CABIN1: variants seen among roughly 807,000 people sequenced by gnomAD.
CABIN1 encodes the protein calcineurin-binding protein cabin-1.
CABIN1 carries 133 observed loss-of-function variants against 227.7 expected under a neutral mutation model. The ratio of observed to expected loss-of-function variants is 0.58; its 90% CI spans 0.51 to 0.67. CABIN1 has a LOEUF of 0.67. Ranked by LOEUF, CABIN1 falls within the 30% of genes least tolerant of loss-of-function variation. CABIN1 has a pLI of 0.00. For synonymous variants in CABIN1, 1,086 were observed against 1,155.1 expected (o/e 0.94, Z 1.21); for missense variants, 2,408 against 2,852.5 (o/e 0.84, Z 3.55).
chr22:24,164,409 C>T lies in CABIN1; in HGVS notation c.4756C>T (p.Arg1586Trp). Residue 1586 changes from arginine to tryptophan, a missense_variant, in exon 30 of 37, where the codon CGG (arginine) becomes TGG (tryptophan). Around this residue, in one of 3 missense-constraint regions of CABIN1, gnomAD observed 649 missense variants for 910.3 expected, o/e 0.71. Coordinates refer to ENST00000263119, the MANE Select transcript of CABIN1 (RefSeq NM_012295.4). ...GCCATCCATCCCACAGGGCATCTGG[C>T]GGATCCCCGTGGACGAGATTGACCG... Reference protein sequence around the residue: ...NKTNFFNGIWRIPVDEIDRPG... With the variant: ...NKTNFFNGIWWIPVDEIDRPG... 6.2e-7 allele frequency: 1 copy of T among 1,603,398 alleles called. No homozygotes were observed. Among genetic ancestry groups the T allele is most frequent in the Non-Finnish European group, 8.5e-7 (1 of 1,179,950 alleles).
In CABIN1 at chr22:24,054,923, C is replaced by T. The variant is rs200646141; in HGVS notation, c.857C>T (p.Thr286Ile). Residue 286 changes from threonine to isoleucine, a missense_variant, in exon 9 of 37, where the codon ACC becomes ATC. Physicochemically the swap from Thr to Ile is moderately conservative, Grantham distance 89. Transcript: ENST00000263119. ...SLLAMYNHLTTCEPPRPSLGK... is the reference protein window; with the variant it reads ...SLLAMYNHLTICEPPRPSLGK... Reference sequence around the variant, plus strand: ...CTGGCCATGTACAATCATCTCACCACCTGTGAGCCCCCACGTCCCAGCCTT... The same window carrying T: ...CTGGCCATGTACAATCATCTCACCATCTGTGAGCCCCCACGTCCCAGCCTT... The T allele has an allele frequency of 1.5e-5, 25 of 1,614,086 alleles. No homozygotes were observed. The highest frequency in any genetic ancestry group is 1.9e-5 in the Non-Finnish European group (23 of 1,180,028).
At chr22:24,157,687 TTG>T (rs1197257763) in intron 29 of CABIN1, among the ~76,000 whole-genome samples, 5 of 152,166 alleles carry the variant, frequency 3.3e-5, no homozygotes, top group Non-Finnish European at 5.9e-5. Flanking sequence ...CTTTGGTGAC[TTG>T]TGTGGGTTTG....
At chr22:24,050,601 T>G (rs1044442065) in intron 7 of CABIN1, among the ~76,000 whole-genome samples, 2 of 152,252 alleles carry the variant, frequency 1.3e-5, no homozygotes, top group African/African-American at 4.8e-5. Context: ...CTGCCCAGTT[T>G]TGAATTGTCA....
intron 26 of CABIN1, among the ~76,000 whole-genome samples, chr22:24,110,447 C>T (rs949002520): frequency 1.3e-5 from 2 of 152,104 alleles, no homozygotes; most frequent in African/African-American, 2.4e-5. Flanking sequence ...TTAGAAAAAT[C>T]GAACATAAAA....
At chr22:24,076,355 G>A in intron 19 of CABIN1, 71 bp downstream of exon 19, 1 of 1,274,056 alleles carries the variant, frequency 7.8e-7, no homozygotes, top group Non-Finnish European at 1.1e-6. Context: ...GAATGGGAAG[G>A]GGACAGATTC....
chr22:24,083,140 A>G, intron 19 of CABIN1, 88 bp from the exon 20 acceptor site: 1 of 1,338,126 alleles, frequency 7.5e-7, no homozygotes, highest in South Asian at 1.2e-5. Context: ...AAGAGTTGAT[A>G]GAGTGGTGGT....
At chr22:24,176,953 G>A (rs531437672) in intron 35 of CABIN1, among the ~76,000 whole-genome samples, 20 of 152,322 alleles carry the variant, frequency 1.3e-4, no homozygotes, top group African/African-American at 4.3e-4. Context: ...CAGGCCAGCC[G>A]GGTCCTCCCA....
chr22:24,089,558 C>T (rs896851276), intron 23 of CABIN1, among the ~76,000 whole-genome samples: 3 of 152,144 alleles, frequency 2.0e-5, no homozygotes, highest in African/African-American at 7.2e-5. Context: ...TCATAGTTGC[C>T]GAGGGTGAAA....
chr22:24,063,590 G>C (rs1434667399), intron 14 of CABIN1, among the ~76,000 whole-genome samples: 1 of 152,200 alleles, frequency 6.6e-6, no homozygotes, highest in African/African-American at 2.4e-5. Context: ...TGGAAGGCCA[G>C]GATGGATTGG....
At chr22:24,049,874 A>G (rs2038190578) in intron 7 of CABIN1, among the ~76,000 whole-genome samples, 1 of 151,988 alleles carries the variant, frequency 6.6e-6, no homozygotes, top group African/African-American at 2.4e-5. Flanking sequence ...CTCCTTTGCC[A>G]GGTGTCTTCC....
chr22:24,168,680 G>T lies in CABIN1; in HGVS notation c.5757+159G>T, dbSNP rs5760233. ...CAGGGGGCAGCTGAGCCTCCAGCAC[G>T]TGGCCATAGTGGGCAGGAACTTGAC... On this transcript the variant is annotated intron_variant, in intron 33 of 36. Transcript: ENST00000263119. 47,697 of 722,316 alleles carry T rather than the reference G, an allele frequency of 0.066. 1,931 individuals are homozygous for T. The highest frequency in any genetic ancestry group is 0.11 in the South Asian group (7,452 of 67,212). 44.7% of individuals were successfully genotyped at this position (722,316 alleles called of 1,614,324 possible).
At chr22:24,087,914 A>G (rs2041276748) in intron 23 of CABIN1, among the ~76,000 whole-genome samples, 1 of 135,926 alleles carries the variant, frequency 7.4e-6, no homozygotes, top group African/African-American at 3.3e-5. Context: ...CACCCAGTCT[A>G]GTGTAGACAA....
intron 11 of CABIN1, among the ~76,000 whole-genome samples, chr22:24,059,638 TGTA>T (rs2039047102): frequency 1.3e-5 from 2 of 152,210 alleles, no homozygotes; most frequent in African/African-American, 4.8e-5. Flanking sequence ...TGTGTATCAG[TGTA>T]TAACTGTTGA....
At chr22:24,087,784 C>T in intron 23 of CABIN1, 71 bp downstream of exon 23, 3 of 1,582,452 alleles carry the variant, frequency 1.9e-6, no homozygotes, top group Non-Finnish European at 2.6e-6. Flanking sequence ...GTCAACGAAG[C>T]TCTGTCTCAT....
chr22:24,032,363 A>C (rs1264949851), intron 1 of CABIN1, among the ~76,000 whole-genome samples: 2 of 152,222 alleles, frequency 1.3e-5, no homozygotes, highest in African/African-American at 4.8e-5. Flanking sequence ...GTATGTATAC[A>C]CCACATTTTG....
rs771942318 is a variant in CABIN1, at chr22:24,064,196, G to C, written c.2037+9G>C. Reference sequence around the variant, plus strand: ...TGGTTTCCCTGGAGGAGGTAAGTGAGAATTTTCGTTTGTTTGTTTGTTTCC... The same window carrying C: ...TGGTTTCCCTGGAGGAGGTAAGTGACAATTTTCGTTTGTTTGTTTGTTTCC... On this transcript the variant is annotated intron_variant, in intron 15 of 36. Transcript: ENST00000263119. The C allele has an allele frequency of 6.2e-7, 1 of 1,614,136 alleles. No homozygotes were observed. The highest frequency in any genetic ancestry group is 2.2e-5 in the East Asian group (1 of 44,880).
chr22:24,045,209 C>A (rs1465247509), intron 6 of CABIN1, among the ~76,000 whole-genome samples: 1 of 152,240 alleles, frequency 6.6e-6, no homozygotes, highest in Non-Finnish European at 1.5e-5. Flanking sequence ...TAGGCGTGAG[C>A]CACTGCGCCC....
chr22:24,159,858 A>C (rs1017732495), intron 29 of CABIN1, among the ~76,000 whole-genome samples: 1 of 152,224 alleles, frequency 6.6e-6, no homozygotes, highest in African/African-American at 2.4e-5. Context: ...CACCCCGTCC[A>C]CAGGCAGGCA....
At chr22:24,125,637 C>A (rs1160016015) in intron 28 of CABIN1, among the ~76,000 whole-genome samples, 2 of 152,194 alleles carry the variant, frequency 1.3e-5, no homozygotes, top group Non-Finnish European at 2.9e-5. Context: ...GCATGCTGGC[C>A]ACAAAGCAGG....
Sources: gnomAD v4.1 joint callset for allele counts (sites outside exome capture counted in the v4.1 genomes callset) on GRCh38, gnomAD v4.1.1 for gene constraint, gnomAD v4.1.1 regional missense constraint, MANE v1.5 for transcripts, NCBI Gene and HGNC (gene_info 2026-07-23, HGNC 2026-07-21) for gene names.